Variants in DLGAP2 observed in about 807,000 individuals in gnomAD.
DLGAP2 encodes disks large-associated protein 2.
A neutral mutation model predicts 100.3 loss-of-function variants in DLGAP2; 26 were observed. That is an observed-to-expected ratio of 0.26 (90% CI 0.19 to 0.36). The LOEUF (loss-of-function observed/expected upper bound fraction) is 0.36, where lower values mean the gene tolerates loss of function less well. DLGAP2 is among the 10% of genes least tolerant of loss of function. The probability of loss-of-function intolerance (pLI) is 1.00; values close to 1 mark genes in which losing one functional copy is unlikely to be tolerated. For missense variants in DLGAP2, 1,858 were observed against 1,453.2 expected, an observed-to-expected ratio of 1.28 and a Z score of -4.53; for synonymous variants, 886 against 630.1, an observed-to-expected ratio of 1.41 and a Z score of -6.08.
At chr8:987,171 A>T (rs1012225523) in intron 2 of DLGAP2, among the ~76,000 whole-genome samples, 1 of 151,586 alleles carries the variant, frequency 6.6e-6, no homozygotes, top group Non-Finnish European at 1.5e-5. Flanking sequence ...GTGCCACCGG[A>T]GGTTGGTTTG....
Position 946,337 on chromosome 8 carries a change from C to G in DLGAP2, c.73+38371C>G, listed in dbSNP as rs112264426. Among the ~76,000 whole-genome samples, 180 of 151,422 alleles carry G rather than the reference C, an allele frequency of 1.2e-3. 1 individual carries two copies. Among genetic ancestry groups the G allele is most frequent in the African/African-American group, 4.0e-3 (166 of 41,190 alleles). The stretch of plus-strand genomic sequence containing the variant: ...GGAGTGCAGTGGTGCGATCTGGGCT[C>G]ATTGCAAGCTCCGCCTCCCGGGTTC... On this transcript the variant is annotated intron_variant, in intron 2 of 14. Coordinates refer to ENST00000637795, the MANE Select transcript of DLGAP2 (RefSeq NM_001346810.2).
intron 2 of DLGAP2, among the ~76,000 whole-genome samples, chr8:1,161,166 A>G (rs1796881759): frequency 6.6e-6 from 1 of 152,202 alleles, no homozygotes; most frequent in South Asian, 2.1e-4. Context: ...AGTTTGCATT[A>G]TGTCAGCTTG....
intron 2 of DLGAP2, among the ~76,000 whole-genome samples, chr8:1,146,286 T>G (rs1258603847): frequency 6.6e-6 from 1 of 152,244 alleles, no homozygotes; most frequent in Non-Finnish European, 1.5e-5. Flanking sequence ...TAGCCTCTGT[T>G]AAGAAGGGCT....
At chr8:1,330,150 G>A (rs1188773677) in intron 3 of DLGAP2, among the ~76,000 whole-genome samples, 2 of 152,222 alleles carry the variant, frequency 1.3e-5, no homozygotes, top group Non-Finnish European at 1.5e-5. Context: ...AGGAGGTGGT[G>A]GCAGGAGCCA....
intron 6 of DLGAP2, among the ~76,000 whole-genome samples, chr8:1,587,825 A>G (rs1796170889): frequency 6.6e-6 from 1 of 152,186 alleles, no homozygotes; most frequent in Admixed American, 6.6e-5. Context: ...GACATAAATA[A>G]AATACCATGA....
intron 1 of DLGAP2, among the ~76,000 whole-genome samples, chr8:740,551 C>T (rs988879991): frequency 1.3e-5 from 2 of 152,090 alleles, no homozygotes; most frequent in African/African-American, 4.8e-5. Flanking sequence ...GTAGAAATTC[C>T]AAATTAAATA....
intron 3 of DLGAP2, among the ~76,000 whole-genome samples, chr8:1,318,100 G>C (rs1253873965): frequency 1.1e-5 from 1 of 88,528 alleles, no homozygotes; most frequent in African/African-American, 4.4e-5. Context: ...TGCGAGTGCA[G>C]CGTCTCTCCA....
At chr8:1,118,960 G>C (rs1043650520) in intron 2 of DLGAP2, among the ~76,000 whole-genome samples, 4 of 152,240 alleles carry the variant, frequency 2.6e-5, no homozygotes, top group Non-Finnish European at 5.9e-5. Flanking sequence ...TTTATCGTTT[G>C]ATGTTCAATA....
At position 1,476,366 on chromosome 8, in the gene DLGAP2, C is replaced by T. The variant is rs1053989552; in HGVS notation, c.107-25000C>T. Among the ~76,000 whole-genome samples the T allele has an allele frequency of 3.3e-5, 5 of 152,306 alleles. No individual in the cohort carries two copies. The East Asian group carries it at 7.7e-4, about 23-fold the overall frequency. On this transcript the variant is annotated intron_variant, in intron 3 of 14. Transcript: ENST00000637795. ...TCCTGCAGCACATTCTCGGCTGCAT[C>T]ACAAAGTAAATCTATTCCCATCGCG... is the stretch of plus-strand genomic sequence containing the variant.
intron 2 of DLGAP2, among the ~76,000 whole-genome samples, chr8:1,149,170 G>A (rs1164491263): frequency 6.6e-6 from 1 of 151,772 alleles, no homozygotes; most frequent in Non-Finnish European, 1.5e-5. Context: ...GTTTGAGATG[G>A]AGCCTCGCTC....
chr8:1,147,777 C>A (rs551580302), intron 2 of DLGAP2, among the ~76,000 whole-genome samples: 1 of 152,230 alleles, frequency 6.6e-6, no homozygotes, highest in East Asian at 1.9e-4. Flanking sequence ...CCCACCTTGA[C>A]TTCCCAATAC....
At chr8:1,674,731 T>C (rs568233141) in intron 10 of DLGAP2, among the ~76,000 whole-genome samples, 7 of 152,306 alleles carry the variant, frequency 4.6e-5, no homozygotes, top group Admixed American at 1.3e-4. Flanking sequence ...AGTACAGACA[T>C]GTATTTATAT....
chr8:1,065,512 T>A (rs544399231), intron 2 of DLGAP2, among the ~76,000 whole-genome samples: 1 of 152,334 alleles, frequency 6.6e-6, no homozygotes, highest in African/African-American at 2.4e-5. Context: ...TGCTTGTAAC[T>A]CTGTGGTTGG....
intron 1 of DLGAP2, among the ~76,000 whole-genome samples, chr8:854,368 T>C (rs1797237100): frequency 6.6e-6 from 1 of 152,138 alleles, no homozygotes; most frequent in Non-Finnish European, 1.5e-5. Context: ...CAGAGTGGGC[T>C]CTGTCTTGGT....
chr8:861,884 C>T (rs1327574972), intron 1 of DLGAP2, among the ~76,000 whole-genome samples: 1 of 152,186 alleles, frequency 6.6e-6, no homozygotes, highest in Non-Finnish European at 1.5e-5. Flanking sequence ...TTGTTTTATC[C>T]ATTAGGTAAT....
At chr8:1,009,760 A>G (rs1414135032) in intron 2 of DLGAP2, among the ~76,000 whole-genome samples, 1 of 152,208 alleles carries the variant, frequency 6.6e-6, no homozygotes, top group African/African-American at 2.4e-5. Context: ...ATTTGTCTCC[A>G]CAGCCTAGAC....
At chr8:1,431,408 C>T (rs1054157957) in intron 3 of DLGAP2, among the ~76,000 whole-genome samples, 11 of 152,232 alleles carry the variant, frequency 7.2e-5, no homozygotes, top group Non-Finnish European at 1.5e-4. Context: ...TACTGGGCGT[C>T]AGCACTGTGT....
Position 1,587,359 on chromosome 8 carries a change from A to C in DLGAP2, c.1442+21465A>C, listed in dbSNP as rs576376565. ...AAAAGGAAAATGGTGATCTGGGGTG[A>C]GGCCAGAGAGGAACTGGCTCTTGGG... is the stretch of plus-strand genomic sequence containing the variant. On this transcript the variant is annotated intron_variant, in intron 6 of 14. Coordinates refer to ENST00000637795, the MANE Select transcript of DLGAP2 (RefSeq NM_001346810.2). Among the ~76,000 whole-genome samples, 12 of 152,312 alleles carry C rather than the reference A, an allele frequency of 7.9e-5. No individual in the cohort carries two copies. The South Asian group carries it at 2.5e-3, about 32-fold the overall frequency.
intron 11 of DLGAP2, among the ~76,000 whole-genome samples, chr8:1,677,513 A>T (rs912227798): frequency 1.3e-5 from 2 of 152,174 alleles, no homozygotes; most frequent in African/African-American, 2.4e-5. Flanking sequence ...GACTATGTAG[A>T]CACAGAGAGA....
Sources: gnomAD v4.1 joint callset for allele counts (sites outside exome capture counted in the v4.1 genomes callset) on GRCh38, gnomAD v4.1.1 for gene constraint, MANE v1.5 for transcripts, NCBI Gene and HGNC (gene_info 2026-07-23, HGNC 2026-07-21) for gene names.